Variants in FAM53A observed in about 807,000 individuals in gnomAD.
FAM53A encodes the protein family with sequence similarity 53 member A.
A neutral mutation model predicts 26.6 loss-of-function variants in FAM53A; 28 were observed. The ratio of observed to expected loss-of-function variants is 1.05; its 90% CI spans 0.78 to 1.45. The LOEUF (loss-of-function observed/expected upper bound fraction) is 1.45, where lower values mean the gene tolerates loss of function less well. Ranked by LOEUF, FAM53A falls within the 40% of genes most tolerant of loss-of-function variation. FAM53A has a pLI of 0.00. For synonymous variants in FAM53A, 290 were observed against 253.1 expected (o/e 1.15, Z -1.38); for missense variants, 650 against 575.8 (o/e 1.13, Z -1.32).
chr4:1,621,177 A>G lies in FAM53A; in HGVS notation c.432-3066T>C, dbSNP rs545209294. On this transcript the variant is annotated intron_variant, in intron 1 of 1. Coordinates refer to the FAM53A transcript ENST00000489029. ...GAGTGCAGTGGCACAATCTCGGCTC[A>G]CTACAGGCTCCGCCCCCCAGGGTTC... Among the ~76,000 whole-genome samples, 14 of 141,618 alleles carry G rather than the reference A, an allele frequency of 9.9e-5. 1 individual carries two copies. In the East Asian group the frequency reaches 2.6e-3, roughly 27 times the overall value. The allele number at this position is 141,618 out of a possible 152,430, so 92.9% of individuals were successfully genotyped here. A position where few individuals can be genotyped will look rare whatever the true frequency, so the allele number is the denominator to read the frequency against.
Position 1,621,101 on chromosome 4 carries a change from C to CTTTTTTTT in FAM53A, c.432-2998_432-2991dup, listed in dbSNP as rs574102929. Among the ~76,000 whole-genome samples, 609 of 95,464 alleles carry CTTTTTTTT rather than the reference C, an allele frequency of 6.4e-3. 70 individuals carry two copies. Among genetic ancestry groups the CTTTTTTTT allele is most frequent in the African/African-American group, 0.023 (551 of 24,126 alleles). The allele number at this position is 95,464 out of a possible 152,430, so 62.6% of individuals were successfully genotyped here. A position where few individuals can be genotyped will look rare whatever the true frequency, so the allele number is the denominator to read the frequency against. ...TTTCCTAGCTGAGTCAGCTACGCTACTTTTTTTTTTTTTTTTTTTTTGAGA... is the reference window on the plus strand; with the variant it reads ...TTTCCTAGCTGAGTCAGCTACGCTACTTTTTTTTTTTTTTTTTTTTTTTTTTTTTGAGA... On this transcript the variant is annotated intron_variant, in intron 1 of 1. Transcript: ENST00000489029.
chr4:1,601,387 C>T, the FAM53A span, among the ~76,000 whole-genome samples: 1 of 113,126 alleles, frequency 8.8e-6, no homozygotes, highest in Middle Eastern at 4.0e-3. Context: ...ATCCGTCCAC[C>T]GTTCACACAG....
At chr4:1,654,834 G>T in intron 4 of FAM53A, 144 bp downstream of exon 4, 1 of 1,168,824 alleles carries the variant, frequency 8.6e-7, no homozygotes, top group Non-Finnish European at 1.1e-6. Context: ...CACTCCAGAT[G>T]GCTCTCCTCA....
In FAM53A at chr4:1,655,152, C is replaced by A. The variant is rs1222000723; in HGVS notation, c.708G>T (p.Leu236=). 4 of 1,581,648 alleles carry A rather than the reference C, an allele frequency of 2.5e-6. No homozygotes were observed. In the African/African-American group the frequency reaches 5.4e-5, roughly 22 times the overall value. ...ACGTGGGGCTGCTGCTGGCCCAGGG[C>A]AGGGGAGTGCCCGCACCCGCGAGTC... The part of the protein sequence containing the change: ...QERLAGAGTP[L]PWASSSPTST... Residue 236 remains leucine, a synonymous_variant, in exon 4 of 5, where the codon CTG becomes CTT. Coordinates refer to ENST00000308132, the MANE Select transcript of FAM53A (RefSeq NM_001174070.3).
At chr4:1,585,278 T>TCTC in the FAM53A span, among the ~76,000 whole-genome samples, 1 of 48,954 alleles carries the variant, frequency 2.0e-5, no homozygotes, top group Non-Finnish European at 3.9e-5. Context: ...CTCTCTCTCT[T>TCTC]TTTTTTTTTT....
rs773843430 is a variant in FAM53A, at chr4:1,678,691, G to A, written c.-165+5542C>T. 5.9e-5 allele frequency among the ~76,000 whole-genome samples: 9 copies of A among 151,930 alleles called. No individual in the cohort carries two copies. The South Asian group carries it at 8.3e-4, about 14-fold the overall frequency. On this transcript the variant is annotated intron_variant, in intron 1 of 4. Coordinates refer to ENST00000308132, the MANE Select transcript of FAM53A (RefSeq NM_001174070.3). ...ATAAAAATTAGCCAGGCGTGGTGGC[G>A]TACATCTGTAATCCCAGCTACTCGG...
At chr4:1,595,140 C>T in the FAM53A span, among the ~76,000 whole-genome samples, 1 of 152,328 alleles carries the variant, frequency 6.6e-6, no homozygotes, top group Non-Finnish European at 1.5e-5. Flanking sequence ...AGTCAGAGGA[C>T]AGGGAAGCCG....
At chr4:1,652,818 ATAC>A (rs752626841) in intron 4 of FAM53A, among the ~76,000 whole-genome samples, 103 of 143,030 alleles carry the variant, frequency 7.2e-4, no homozygotes, top group South Asian at 6.0e-3. Flanking sequence ...CACACACCAC[ATAC>A]TACCCACCAC....
At chr4:1,590,097 ATGT>A in the FAM53A span, among the ~76,000 whole-genome samples, 1 of 152,284 alleles carries the variant, frequency 6.6e-6, no homozygotes, top group East Asian at 1.9e-4. Flanking sequence ...AGAGCTTTAA[ATGT>A]TGTATAATTT....
At chr4:1,601,520 G>GC in the FAM53A span, among the ~76,000 whole-genome samples, 1 of 111,296 alleles carries the variant, frequency 9.0e-6, no homozygotes, top group African/African-American at 2.9e-5. Flanking sequence ...GGTGCACTGC[G>GC]CCCCCCAGCC....
intron 3 of FAM53A, among the ~76,000 whole-genome samples, chr4:1,656,826 C>T (rs533330401): frequency 2.6e-4 from 40 of 152,308 alleles, no homozygotes; most frequent in Non-Finnish European, 5.7e-4. Context: ...CTGGGCGTGT[C>T]ACAGTCAGGT....
the FAM53A span, among the ~76,000 whole-genome samples, chr4:1,606,060 A>G: frequency 2.2e-5 from 3 of 134,686 alleles, no homozygotes; most frequent in Non-Finnish European, 4.7e-5. Context: ...TTTTTTTGAG[A>G]TGGAGTCTCG....
At chr4:1,650,802 GT>G (rs112116374) in intron 4 of FAM53A, among the ~76,000 whole-genome samples, 3 of 146,588 alleles carry the variant, frequency 2.0e-5, no homozygotes, top group Non-Finnish European at 3.0e-5. Context: ...GGCGGGTTTT[GT>G]TTTTTTTTTA....
At chr4:1,668,535 C>G in intron 2 of FAM53A, 132 bp downstream of exon 2, 1 of 890,364 alleles carries the variant, frequency 1.1e-6, no homozygotes, top group Non-Finnish European at 1.7e-6. Context: ...ACCAGACACC[C>G]CCATCCCTGG....
chr4:1,655,034 G>C lies in FAM53A; in HGVS notation c.826C>G (p.Arg276Gly), dbSNP rs762709666. Residue 276 changes from arginine (R) to glycine (G), a missense_variant, in exon 4 of 5, where the codon CGT becomes GGT. By Grantham distance (125) the Arg-to-Gly change is moderately radical (BLOSUM62 -2). Coordinates refer to ENST00000308132, the MANE Select transcript of FAM53A (RefSeq NM_001174070.3). ...SGKRSRRKRR[R>G]EEDARWTRPS... The stretch of plus-strand genomic sequence containing the variant: ...CGTGTCCACCTGGCGTCCTCCTCAC[G>C]CCTCCGTTTGCGCCGGCTCCTCTTC... The C allele has an allele frequency of 5.7e-6, 9 of 1,577,238 alleles. No individual in the cohort carries two copies. The highest frequency in any genetic ancestry group is 7.7e-6 in the Non-Finnish European group (9 of 1,161,756).
At chr4:1,683,471 G>T (rs1715596066) in intron 1 of FAM53A, 1 of 152,182 alleles carries the variant, frequency 6.6e-6, no homozygotes, top group African/African-American at 2.4e-5. Context: ...GGAACAAGGA[G>T]TTCGATCTGT....
downstream of FAM53A, among the ~76,000 whole-genome samples, chr4:1,613,943 G>A (rs181269970): frequency 1.5e-3 from 229 of 152,326 alleles, no homozygotes; most frequent in African/African-American, 5.3e-3. Flanking sequence ...ACATCAGCAG[G>A]CTTCAGAAAC....
intron 4 of FAM53A, among the ~76,000 whole-genome samples, chr4:1,653,704 C>T (rs1221310435): frequency 6.6e-6 from 1 of 152,236 alleles, no homozygotes; most frequent in Middle Eastern, 3.2e-3. Context: ...GTTTTCAACT[C>T]ACCTCAAGCC....
intron 4 of FAM53A, among the ~76,000 whole-genome samples, chr4:1,643,001 T>C (rs900712081): frequency 6.6e-5 from 10 of 152,084 alleles, no homozygotes; most frequent in African/African-American, 2.4e-4. Context: ...AGCTCACCAA[T>C]TCCACAGGAC....
Sources: gnomAD v4.1 joint callset for allele counts (sites outside exome capture counted in the v4.1 genomes callset) on GRCh38, gnomAD v4.1.1 for gene constraint, MANE v1.5 for transcripts, NCBI Gene and HGNC (gene_info 2026-07-23, HGNC 2026-07-21) for gene names.